The following GABRB1 variants were observed in gnomAD, a reference collection of about 807,000 sequenced individuals.
The protein encoded by GABRB1 is gamma-aminobutyric acid receptor subunit beta-1.
In GABRB1, 17 loss-of-function variants were observed where a neutral mutation model predicts 51.6. The observed-to-expected ratio is 0.33, with a 90% CI of 0.23 to 0.49. The LOEUF is 0.49. Ranked by LOEUF, GABRB1 falls within the 20% of genes least tolerant of loss-of-function variation. The probability of loss-of-function intolerance (pLI) is 0.99; values close to 1 mark genes in which losing one functional copy is unlikely to be tolerated. For missense variants in GABRB1, 410 were observed against 600.6 expected (o/e 0.68, Z 3.32); for synonymous variants, 247 against 218.9 (o/e 1.13, Z -1.14).
At chr4:47,093,618 T>C (rs889904913) in intron 3 of GABRB1, among the ~76,000 whole-genome samples, 14 of 152,356 alleles carry the variant, frequency 9.2e-5, no homozygotes, top group African/African-American at 3.1e-4. Context: ...AGTCTGCAGT[T>C]ACTACTTAAT....
chr4:47,140,093 A>AACACACACACACAC (rs67749563), intron 3 of GABRB1, among the ~76,000 whole-genome samples: 1 of 135,326 alleles, frequency 7.4e-6, no homozygotes, highest in South Asian at 2.5e-4. Context: ...AAATTAAATT[A>AACACACACACACAC]ACACACACAC....
intron 5 of GABRB1, among the ~76,000 whole-genome samples, chr4:47,361,761 C>G (rs749286170): frequency 9.2e-5 from 14 of 152,068 alleles, no homozygotes; most frequent in Non-Finnish European, 1.9e-4. Flanking sequence ...AGATTACTTC[C>G]AAGTTTCTGA....
chr4:46,997,749 T>G (rs1199840145), intron 1 of GABRB1, among the ~76,000 whole-genome samples: 1 of 152,176 alleles, frequency 6.6e-6, no homozygotes, highest in Admixed American at 6.5e-5. Flanking sequence ...CACGTATATA[T>G]ATACACACAC....
chr4:47,425,693 T>C lies in GABRB1; in HGVS notation c.1100T>C (p.Ile367Thr). The C allele has an allele frequency of 6.2e-7, 1 of 1,606,020 alleles. No individual in the cohort carries two copies. The highest frequency in any genetic ancestry group is 8.5e-7 in the Non-Finnish European group (1 of 1,175,508). Residue 367 changes from isoleucine (I) to threonine (T), a missense_variant, in exon 9 of 9, where the codon ATT becomes ACT. Around this residue, in one of 5 missense-constraint regions of GABRB1, gnomAD observed 181 missense variants for 195.6 expected, o/e 0.93. Coordinates refer to ENST00000295454, the MANE Select transcript of GABRB1 (RefSeq NM_000812.4). ...CATCAGGTCGACGCCCACGGTAACA[T>C]TCTCCTCAGCACCCTGGAAATCCGG... ...NKVQVDAHGNILLSTLEIRNE... is the reference protein window; with the variant it reads ...NKVQVDAHGNTLLSTLEIRNE...
At chr4:47,148,075 T>A (rs1187690984) in intron 3 of GABRB1, among the ~76,000 whole-genome samples, 1 of 152,050 alleles carries the variant, frequency 6.6e-6, no homozygotes, top group Non-Finnish European at 1.5e-5. Flanking sequence ...GAGCTTATTA[T>A]AGTAAATCAG....
chr4:47,031,232 G>T (rs551149104), upstream of GABRB1: 3 of 182,616 alleles, frequency 1.6e-5, no homozygotes, highest in South Asian at 1.2e-4. Flanking sequence ...CAGAGTCCCC[G>T]TTCTAGGACC....
chr4:47,254,364 T>G (rs1281746184), intron 4 of GABRB1, among the ~76,000 whole-genome samples: 42,438 of 72,494 alleles, frequency 0.59, 14,334 homozygotes, highest in South Asian at 0.8. Context: ...TTTCTTTGTT[T>G]TTTTTTTTTT....
intron 3 of GABRB1, among the ~76,000 whole-genome samples, chr4:47,106,334 G>A (rs574861688): frequency 1.3e-5 from 2 of 152,010 alleles, no homozygotes; most frequent in Middle Eastern, 3.4e-3. Context: ...TAGAAGCAGG[G>A]TAGGAATTTC....
At chr4:47,137,020 C>A (rs957405252) in intron 3 of GABRB1, among the ~76,000 whole-genome samples, 1 of 152,094 alleles carries the variant, frequency 6.6e-6, no homozygotes, top group Non-Finnish European at 1.5e-5. Flanking sequence ...CTAGGACTGA[C>A]TTTGCCGATA....
At chr4:47,107,981 T>C (rs1345454180) in intron 3 of GABRB1, among the ~76,000 whole-genome samples, 4 of 152,100 alleles carry the variant, frequency 2.6e-5, no homozygotes, top group Non-Finnish European at 5.9e-5. Context: ...TTTGTTTTTG[T>C]TGTTATTTCC....
intron 5 of GABRB1, among the ~76,000 whole-genome samples, chr4:47,341,378 TATATAACCTTTTGCACTTA>T (rs879320147): frequency 2.6e-5 from 4 of 152,224 alleles, no homozygotes; most frequent in Non-Finnish European, 5.9e-5. Context: ...CCACAACGTT[TATATAACCTTTTGCACTTA>T]TGGAAATGTA....
At chr4:47,186,460 G>T (rs2109777137) in intron 4 of GABRB1, among the ~76,000 whole-genome samples, 1 of 151,878 alleles carries the variant, frequency 6.6e-6, no homozygotes, top group East Asian at 1.9e-4. Flanking sequence ...AAACATTAGG[G>T]TAGTCTCAAA....
Position 47,203,311 on chromosome 4 carries a change from AG to A in GABRB1, c.461+41843del, listed in dbSNP as rs1317164246. Among the ~76,000 whole-genome samples the A allele has an allele frequency of 2.0e-5, 3 of 152,266 alleles. No homozygotes were observed. The East Asian group carries it at 5.8e-4, about 29-fold the overall frequency. On this transcript the variant is annotated intron_variant, in intron 4 of 8. Transcript: ENST00000295454. ...ATTTCTGTGATTCCATCTTGTAAGG[AG>A]TCGTTCAACGTGTAAAGCCATTGTG...
chr4:47,140,767 T>G (rs947155625), intron 3 of GABRB1, among the ~76,000 whole-genome samples: 4 of 151,548 alleles, frequency 2.6e-5, no homozygotes, highest in Middle Eastern at 3.4e-3. Context: ...TTTTTTGTTT[T>G]TTTTTTTTCC....
chr4:47,201,789 G>A (rs1177908315), intron 4 of GABRB1, among the ~76,000 whole-genome samples: 1 of 152,152 alleles, frequency 6.6e-6, no homozygotes, highest in Non-Finnish European at 1.5e-5. Flanking sequence ...GAGGAAAAAT[G>A]TCAACCAAAA....
intron 5 of GABRB1, among the ~76,000 whole-genome samples, chr4:47,400,546 C>CTCTCTCTCTCTCTCTCTCTCTCTCTT (rs10684391): frequency 4.6e-5 from 7 of 150,742 alleles, no homozygotes; most frequent in African/African-American, 1.7e-4. Flanking sequence ...CTCTCTCTCT[C>CTCTCTCTCTCTCTCTCTCTCTCTCTT]TCTCTCTCAG....
intron 4 of GABRB1, among the ~76,000 whole-genome samples, chr4:47,297,347 T>C (rs1724043019): frequency 8.0e-6 from 1 of 125,010 alleles, no homozygotes; most frequent in East Asian, 2.5e-4. Context: ...ATCAACAAAA[T>C]TGATAGACCG....
At chr4:47,195,151 G>A (rs1719595632) in intron 4 of GABRB1, among the ~76,000 whole-genome samples, 1 of 152,132 alleles carries the variant, frequency 6.6e-6, no homozygotes, top group African/African-American at 2.4e-5. Flanking sequence ...CGGATCACGA[G>A]GTCATGAAAT....
chr4:47,033,021 A>G (rs1434820673), intron 3 of GABRB1: 3 of 318,060 alleles, frequency 9.4e-6, no homozygotes, highest in Non-Finnish European at 1.9e-5. Flanking sequence ...CAACAGGCTA[A>G]GACAACAGTC....
Sources: allele counts gnomAD v4.1 joint callset (sites outside exome capture counted in the v4.1 genomes callset), GRCh38; gene constraint gnomAD v4.1.1; regional missense constraint gnomAD v4.1.1; transcripts MANE v1.5; gene names NCBI Gene and HGNC (gene_info 2026-07-23, HGNC 2026-07-21).